The following SLC44A5 variants were observed in gnomAD, a reference collection of about 807,000 sequenced individuals.
SLC44A5 encodes solute carrier family 44 member 5.
In SLC44A5, 57 loss-of-function variants were observed where a neutral mutation model predicts 101.8. The ratio of observed to expected loss-of-function variants is 0.56; its 90% confidence interval spans 0.45 to 0.70. SLC44A5 has a LOEUF of 0.70. SLC44A5 is among the 30% of genes least tolerant of loss of function. The pLI is 0.00. For synonymous variants in SLC44A5, 281 were observed against 290.9 expected (o/e 0.97, Z 0.35); for missense variants, 737 against 853.1 (o/e 0.86, Z 1.70).
chr1:75,590,650 T>C (rs951289909), intron 1 of SLC44A5, among the ~76,000 whole-genome samples: 4 of 152,174 alleles, frequency 2.6e-5, no homozygotes, highest in Non-Finnish European at 5.9e-5. Context: ...TAAGGGAACA[T>C]GGCTGATAGT....
upstream of SLC44A5, among the ~76,000 whole-genome samples, chr1:75,615,436 TACACACACAC>T (rs56337760): frequency 6.3e-3 from 843 of 133,580 alleles, 9 homozygotes; most frequent in South Asian, 0.031. Flanking sequence ...CACACATACA[TACACACACAC>T]ACACACACAC....
chr1:75,442,369 G>A (rs1396788641), intron 2 of SLC44A5, among the ~76,000 whole-genome samples: 2 of 152,086 alleles, frequency 1.3e-5, no homozygotes, highest in Non-Finnish European at 2.9e-5. Flanking sequence ...TCAACTCCCT[G>A]ACAAAAAGTG....
At chr1:75,630,228 G>A in the SLC44A5 span, among the ~76,000 whole-genome samples, 1 of 152,136 alleles carries the variant, frequency 6.6e-6, no homozygotes, top group Non-Finnish European at 1.5e-5. Flanking sequence ...ATCAATCCCA[G>A]GCAATTGGCT....
intron 3 of SLC44A5, among the ~76,000 whole-genome samples, chr1:75,350,632 C>T (rs778133823): frequency 4.0e-5 from 6 of 151,420 alleles, no homozygotes; most frequent in African/African-American, 9.7e-5. Flanking sequence ...TGGTGGCTCA[C>T]GCCTGTAATC....
chr1:75,450,303 C>A (rs1215362941), intron 2 of SLC44A5, among the ~76,000 whole-genome samples: 2 of 152,140 alleles, frequency 1.3e-5, no homozygotes, highest in Non-Finnish European at 2.9e-5. Flanking sequence ...GGAGAGGCTT[C>A]CTGATACTGT....
chr1:75,690,825 C>T, the SLC44A5 span, among the ~76,000 whole-genome samples: 10 of 152,208 alleles, frequency 6.6e-5, no homozygotes, highest in East Asian at 1.9e-4. Context: ...ATATTCCACC[C>T]ATTGGTTAAA....
intron 4 of SLC44A5, among the ~76,000 whole-genome samples, chr1:75,330,785 C>G (rs1394078593): frequency 6.6e-6 from 1 of 152,148 alleles, no homozygotes; most frequent in African/African-American, 2.4e-5. Context: ...CTTAGTCACA[C>G]TTTAGTGGCC....
chr1:75,304,294 GTGTGT>G (rs750367045), intron 4 of SLC44A5, among the ~76,000 whole-genome samples: 98 of 6,114 alleles, frequency 0.016, no homozygotes, highest in Admixed American at 0.027. Flanking sequence ...TTTTAAATAG[GTGTGT>G]GTGTGTGTGT....
chr1:75,665,347 G>T, the SLC44A5 span, among the ~76,000 whole-genome samples: 1 of 152,042 alleles, frequency 6.6e-6, no homozygotes, highest in Non-Finnish European at 1.5e-5. Flanking sequence ...AAAATAAGCA[G>T]TAGGGAAAGA....
chr1:75,368,726 T>C (rs1404658995), intron 3 of SLC44A5, among the ~76,000 whole-genome samples: 1 of 152,072 alleles, frequency 6.6e-6, no homozygotes, highest in Non-Finnish European at 1.5e-5. Context: ...TGTTCTGAAA[T>C]ATATCCTAAG....
chr1:75,291,097 G>GT (rs916247435), intron 5 of SLC44A5, among the ~76,000 whole-genome samples: 21 of 151,918 alleles, frequency 1.4e-4, no homozygotes, highest in South Asian at 4.2e-4. Context: ...ACACCTGTGG[G>GT]TTTTTTTTGT....
intron 6 of SLC44A5, among the ~76,000 whole-genome samples, chr1:75,251,820 TTCTC>T (rs1330703110): frequency 6.6e-6 from 1 of 152,208 alleles, no homozygotes; most frequent in Non-Finnish European, 1.5e-5. Flanking sequence ...AAGTGATACT[TTCTC>T]TCTGCTGAAA....
chr1:75,263,979 G>T lies in SLC44A5; in HGVS notation c.260+10979C>A, dbSNP rs916646358. ...GGAACATCACACACTGGGGCCTGTT[G>T]GGGGGTTGCGGCTTAGGGGAGGGAT... On this transcript the variant is annotated intron_variant, in intron 6 of 23. Transcript: ENST00000370859. Among the ~76,000 whole-genome samples, 8 of 151,964 alleles carry T rather than the reference G, an allele frequency of 5.3e-5. No individual in the cohort carries two copies. The East Asian group carries it at 1.4e-3, about 26-fold the overall frequency.
chr1:75,241,397 T>A (rs1441744765), intron 9 of SLC44A5, among the ~76,000 whole-genome samples: 1 of 151,922 alleles, frequency 6.6e-6, no homozygotes, highest in Non-Finnish European at 1.5e-5. Context: ...CTAATTTCTT[T>A]TTAAAATTTT....
intron 2 of SLC44A5, among the ~76,000 whole-genome samples, chr1:75,476,952 A>C (rs139816832): frequency 0.065 from 9,902 of 152,280 alleles, 473 homozygotes; most frequent in African/African-American, 0.13. Flanking sequence ...CTGTCTCCTC[A>C]AGTGGGTCCC....
intron 4 of SLC44A5, among the ~76,000 whole-genome samples, chr1:75,328,686 C>A (rs1656794233): frequency 6.6e-6 from 1 of 152,174 alleles, no homozygotes. Context: ...AATTCCCTAA[C>A]AAAGCTCCCT....
chr1:75,616,779 G>A, the SLC44A5 span, among the ~76,000 whole-genome samples: 2 of 152,234 alleles, frequency 1.3e-5, no homozygotes, highest in African/African-American at 4.8e-5. Flanking sequence ...GAATGGCTGT[G>A]TTCTGGCCCT....
At chr1:75,719,305 T>A in the SLC44A5 span, among the ~76,000 whole-genome samples, 1 of 152,206 alleles carries the variant, frequency 6.6e-6, no homozygotes, top group East Asian at 1.9e-4. Flanking sequence ...GAATAAAAAA[T>A]TCTGATAGTT....
chr1:75,581,336 C>T (rs1673686253), intron 1 of SLC44A5, among the ~76,000 whole-genome samples: 1 of 152,130 alleles, frequency 6.6e-6, no homozygotes, highest in Admixed American at 6.5e-5. Context: ...TAAAATTGTT[C>T]CTTGTGAGTC....
Sources: gnomAD v4.1 joint callset for allele counts (sites outside exome capture counted in the v4.1 genomes callset) on GRCh38, gnomAD v4.1.1 for gene constraint, MANE v1.5 for transcripts, NCBI Gene and HGNC (gene_info 2026-07-23, HGNC 2026-07-21) for gene names.